Variants in SOX5 observed in about 807,000 individuals in gnomAD.
SOX5 encodes transcription factor SOX-5.
Under a neutral mutation model 92.0 loss-of-function variants are expected in SOX5, and 9 were observed. The observed-to-expected ratio is 0.10, with a 90% CI of 0.06 to 0.17. The LOEUF (loss-of-function observed/expected upper bound fraction) is 0.17, where lower values mean the gene tolerates loss of function less well. Among genes scored for constraint, SOX5 ranks in the 10% least tolerant of loss-of-function variants. SOX5 has a pLI of 1.00. For synonymous variants in SOX5, 344 were observed against 336.3 expected (o/e 1.02, Z -0.25); for missense variants, 642 against 944.5 (o/e 0.68, Z 4.20).
chr12:24,141,850 A>G (rs575311712), intron 4 of SOX5, among the ~76,000 whole-genome samples: 46 of 152,122 alleles, frequency 3.0e-4, no homozygotes, highest in Non-Finnish European at 6.3e-4. Context: ...GGGGGTATGG[A>G]GAATGTAAAT....
At chr12:24,503,235 CA>C (rs1428549893) in intron 1 of SOX5, among the ~76,000 whole-genome samples, 1 of 152,160 alleles carries the variant, frequency 6.6e-6, no homozygotes, top group Non-Finnish European at 1.5e-5. Context: ...AAAATCATGT[CA>C]AAAACATTTT....
intron 4 of SOX5, among the ~76,000 whole-genome samples, chr12:24,066,309 A>G (rs1475509669): frequency 6.6e-6 from 1 of 152,238 alleles, no homozygotes; most frequent in African/African-American, 2.4e-5. Flanking sequence ...AGTACTTGTA[A>G]GATGTAATAA....
chr12:24,459,085 G>A (rs1426228589), intron 1 of SOX5, among the ~76,000 whole-genome samples: 1 of 152,134 alleles, frequency 6.6e-6, no homozygotes, highest in African/African-American at 2.4e-5. Flanking sequence ...AAATAGGGAT[G>A]ATTGTTTCCG....
At chr12:23,663,379 T>C (rs1031116962) in intron 7 of SOX5, among the ~76,000 whole-genome samples, 10 of 152,178 alleles carry the variant, frequency 6.6e-5, no homozygotes, top group African/African-American at 2.4e-4. Flanking sequence ...CACGTTACAT[T>C]AACACTCAAC....
chr12:23,966,048 G>T (rs959836365), intron 4 of SOX5, among the ~76,000 whole-genome samples: 1 of 151,904 alleles, frequency 6.6e-6, no homozygotes, highest in Admixed American at 6.6e-5. Context: ...ATTCATCCAA[G>T]ATTTCAAAGA....
intron 4 of SOX5, among the ~76,000 whole-genome samples, chr12:24,094,676 T>C (rs1328711126): frequency 6.6e-6 from 1 of 152,178 alleles, no homozygotes; most frequent in Non-Finnish European, 1.5e-5. Context: ...GATCTAATTT[T>C]ACTTTTTCCC....
chr12:23,894,704 C>T (rs565767823), intron 2 of SOX5, among the ~76,000 whole-genome samples: 1 of 151,724 alleles, frequency 6.6e-6, no homozygotes, highest in East Asian at 1.9e-4. Flanking sequence ...ATTCCACATG[C>T]AATAATTCAA....
At chr12:23,629,091 TTC>T (rs2078205648) in intron 8 of SOX5, among the ~76,000 whole-genome samples, 1 of 152,060 alleles carries the variant, frequency 6.6e-6, no homozygotes, top group South Asian at 2.1e-4. Flanking sequence ...AACAGCACGC[TTC>T]TCTGTTGTTT....
At chr12:23,689,971 G>A (rs2088453166) in intron 6 of SOX5, among the ~76,000 whole-genome samples, 1 of 152,118 alleles carries the variant, frequency 6.6e-6, no homozygotes, top group African/African-American at 2.4e-5. Flanking sequence ...ATTTCACAAT[G>A]ACTTTACATT....
intron 4 of SOX5, among the ~76,000 whole-genome samples, chr12:24,078,771 T>C (rs954417685): frequency 2.0e-5 from 3 of 152,088 alleles, no homozygotes; most frequent in Non-Finnish European, 4.4e-5. Flanking sequence ...AATGTGTTAA[T>C]TTCCAGGAAC....
chr12:24,287,343 CTTT>C (rs113127719), intron 2 of SOX5, among the ~76,000 whole-genome samples: 33,455 of 152,000 alleles, frequency 0.22, 3,825 homozygotes, highest in Non-Finnish European at 0.26. Flanking sequence ...ACAGTATTAA[CTTT>C]TTCTCGTCTT....
chr12:24,486,610 C>T (rs925145355), intron 1 of SOX5, among the ~76,000 whole-genome samples: 22 of 152,154 alleles, frequency 1.4e-4, no homozygotes, highest in African/African-American at 4.6e-4. Context: ...GGTCATTATC[C>T]CCTATAATCC....
At chr12:23,767,434 T>C (rs2094775194) in intron 3 of SOX5, among the ~76,000 whole-genome samples, 1 of 152,144 alleles carries the variant, frequency 6.6e-6, no homozygotes, top group Non-Finnish European at 1.5e-5. Context: ...ACAAGCAATT[T>C]AATGAATCAG....
chr12:23,584,617 A>G (rs1950472014), intron 9 of SOX5: 2 of 1,598,056 alleles, frequency 1.3e-6, no homozygotes, highest in South Asian at 2.2e-5. Flanking sequence ...CTGTTTAATG[A>G]GTAATGACAG....
intron 1 of SOX5, among the ~76,000 whole-genome samples, chr12:23,928,145 C>T (rs1394335268): frequency 6.6e-6 from 1 of 151,944 alleles, no homozygotes; most frequent in African/African-American, 2.4e-5. Context: ...GAAGGGAAGC[C>T]AAATGAGCCC....
At position 23,921,395 on chromosome 12, in the gene SOX5, A is replaced by G. The variant is rs915818451; in HGVS notation, c.39-25371T>C. 5.3e-5 allele frequency among the ~76,000 whole-genome samples: 8 copies of G among 152,074 alleles called. 1 individual carries two copies. In the South Asian group the frequency reaches 1.2e-3, roughly 24 times the overall value. On this transcript the variant is annotated intron_variant, in intron 1 of 14. Coordinates refer to ENST00000451604, the MANE Select transcript of SOX5 (RefSeq NM_006940.6). ...TGATATGATCTTTAAAAAAAAAAAA[A>G]AGTCAAAAATCCAAAGGGACAATTT...
At chr12:24,322,834 T>C (rs867546438) in intron 2 of SOX5, among the ~76,000 whole-genome samples, 88 of 123,646 alleles carry the variant, frequency 7.1e-4, no homozygotes, top group African/African-American at 2.1e-3. Context: ...TATCAAATAA[T>C]GTTGTTGTTG....
At chr12:24,446,913 G>GGAGCT (rs1394170215) in intron 1 of SOX5, among the ~76,000 whole-genome samples, 1 of 152,140 alleles carries the variant, frequency 6.6e-6, no homozygotes, top group African/African-American at 2.4e-5. Context: ...CCAACCTGAA[G>GGAGCT]GAGCTCCCAA....
chr12:24,459,074 C>A (rs1943337462), intron 1 of SOX5, among the ~76,000 whole-genome samples: 1 of 152,198 alleles, frequency 6.6e-6, no homozygotes, highest in Admixed American at 6.5e-5. Context: ...AGTCAACATC[C>A]AAATAGGGAT....
Sources: gnomAD v4.1 joint callset for allele counts (sites outside exome capture counted in the v4.1 genomes callset) on GRCh38, gnomAD v4.1.1 for gene constraint, MANE v1.5 for transcripts, NCBI Gene and HGNC (gene_info 2026-07-23, HGNC 2026-07-21) for gene names.